NR3C2: variants seen among roughly 807,000 people sequenced by gnomAD.
NR3C2 encodes mineralocorticoid receptor.
NR3C2 carries 15 observed loss-of-function variants against 86.4 expected under a neutral mutation model. That is an observed-to-expected ratio of 0.17 (90% CI 0.12 to 0.27). The LOEUF (loss-of-function observed/expected upper bound fraction) is 0.27, where lower values mean the gene tolerates loss of function less well. NR3C2 is among the 10% of genes least tolerant of loss of function. The pLI, the probability that NR3C2 is intolerant of heterozygous loss-of-function variation, is 1.00. For synonymous variants in NR3C2, 458 were observed against 450.5 expected (o/e 1.02, Z -0.21); for missense variants, 960 against 1,195.6 (o/e 0.80, Z 2.91).
chr4:148,114,453 A>G (rs1167509345), intron 7 of NR3C2, among the ~76,000 whole-genome samples, 192 bp from the exon 8 acceptor site: 1 of 152,238 alleles, frequency 6.6e-6, no homozygotes, highest in African/African-American at 2.4e-5. Context: ...TATTTATCAG[A>G]TGTGTCTTAT....
intron 2 of NR3C2, among the ~76,000 whole-genome samples, chr4:148,412,074 G>GT (rs751550064): frequency 1.1e-4 from 17 of 152,242 alleles, no homozygotes; most frequent in Admixed American, 2.0e-4. Context: ...TCTCAAAAGT[G>GT]TAAGTTTCCT....
chr4:148,235,545 T>G (rs1398909853), intron 3 of NR3C2, among the ~76,000 whole-genome samples: 1 of 152,174 alleles, frequency 6.6e-6, no homozygotes, highest in East Asian at 1.9e-4. Flanking sequence ...GTTTAAAATA[T>G]AACACAACCA....
At chr4:148,426,209 A>AGGTTC (rs1266294294) in intron 2 of NR3C2, among the ~76,000 whole-genome samples, 1 of 152,168 alleles carries the variant, frequency 6.6e-6, no homozygotes, top group Admixed American at 6.5e-5. Flanking sequence ...CCCATGCCCC[A>AGGTTC]GGTTCTCCTC....
At chr4:148,398,132 T>C (rs1579250956) in intron 2 of NR3C2, among the ~76,000 whole-genome samples, 1 of 152,332 alleles carries the variant, frequency 6.6e-6, no homozygotes, top group East Asian at 1.9e-4. Flanking sequence ...TTAGAGCCCA[T>C]TCTAAATTCA....
intron 2 of NR3C2, among the ~76,000 whole-genome samples, chr4:148,394,719 G>A (rs986197211): frequency 5.3e-5 from 8 of 152,108 alleles, no homozygotes; most frequent in Non-Finnish European, 8.8e-5. Flanking sequence ...TGTAGCATCA[G>A]TTTTGGAACT....
At chr4:148,407,213 C>T (rs1204430003) in intron 2 of NR3C2, among the ~76,000 whole-genome samples, 1 of 152,112 alleles carries the variant, frequency 6.6e-6, no homozygotes, top group Non-Finnish European at 1.5e-5. Context: ...AATTTCAATC[C>T]AGTCACTACA....
At chr4:148,140,428 A>G (rs1733553874) in intron 6 of NR3C2, among the ~76,000 whole-genome samples, 4 of 152,096 alleles carry the variant, frequency 2.6e-5, no homozygotes, top group Admixed American at 1.3e-4. Flanking sequence ...CAGCTACTTG[A>G]GAGGTTGAGG....
chr4:148,167,578 G>T (rs1734934875), intron 4 of NR3C2, among the ~76,000 whole-genome samples: 1 of 152,144 alleles, frequency 6.6e-6, no homozygotes, highest in Non-Finnish European at 1.5e-5. Flanking sequence ...CAACTCGTTT[G>T]TTCAGTTTCT....
rs1046412855 is a variant in NR3C2 at position 148,436,727 on chromosome 4, A to G, written c.134T>C (p.Ile45Thr). 6.2e-7 allele frequency: 1 copy of G among 1,613,938 alleles called. No homozygotes were observed. The highest frequency in any genetic ancestry group is 1.3e-5 in the African/African-American group (1 of 74,876). Residue 45 changes from isoleucine (I) to threonine (T), a missense_variant, in exon 2 of 9, where the codon ATT becomes ACT. Transcript: ENST00000358102. ...ACCGGAAACACAGCTTACGTTGACAATCTCCATGTAGTTATTCTCATCGGT... is the reference window on the plus strand; with the variant it reads ...ACCGGAAACACAGCTTACGTTGACAGTCTCCATGTAGTTATTCTCATCGGT... ...ERTDENNYME[I>T]VNVSCVSGAI...
At chr4:148,285,444 C>T (rs1304671610) in intron 2 of NR3C2, among the ~76,000 whole-genome samples, 2 of 152,184 alleles carry the variant, frequency 1.3e-5, no homozygotes, top group African/African-American at 2.4e-5. Context: ...CGTGGTGGCT[C>T]TTGCCTGTAA....
At chr4:148,249,969 G>A (rs964645090) in intron 3 of NR3C2, among the ~76,000 whole-genome samples, 2 of 152,188 alleles carry the variant, frequency 1.3e-5, no homozygotes, top group African/African-American at 4.8e-5. Flanking sequence ...GACAATGTGA[G>A]CATGTGCAAA....
intron 8 of NR3C2, among the ~76,000 whole-genome samples, chr4:148,082,415 TGAGC>T (rs1392104196): frequency 6.6e-6 from 1 of 151,898 alleles, no homozygotes; most frequent in Non-Finnish European, 1.5e-5. Context: ...CCACAGAGGG[TGAGC>T]TGAAGCAGGG....
At chr4:148,415,393 C>T (rs1387961046) in intron 2 of NR3C2, among the ~76,000 whole-genome samples, 1 of 152,118 alleles carries the variant, frequency 6.6e-6, no homozygotes, top group East Asian at 1.9e-4. Context: ...TTGCTCTATT[C>T]GCTTAGGAAA....
chr4:148,347,332 C>T (rs368463555), intron 2 of NR3C2, among the ~76,000 whole-genome samples: 1 of 151,832 alleles, frequency 6.6e-6, no homozygotes, highest in Non-Finnish European at 1.5e-5. Flanking sequence ...AGAAATGTTC[C>T]TCCAGTATTA....
intron 8 of NR3C2, among the ~76,000 whole-genome samples, chr4:148,096,629 T>A (rs1731287954): frequency 2.0e-5 from 3 of 152,232 alleles, no homozygotes; most frequent in Admixed American, 2.0e-4. Context: ...CAGTTGCAGG[T>A]CAAATCTGGC....
At chr4:148,162,902 A>G (rs1167416042) in intron 4 of NR3C2, among the ~76,000 whole-genome samples, 3 of 152,206 alleles carry the variant, frequency 2.0e-5, no homozygotes, top group African/African-American at 7.2e-5. Flanking sequence ...CTCTACCCAC[A>G]TGTTTTACCC....
intron 2 of NR3C2, among the ~76,000 whole-genome samples, chr4:148,339,106 C>T (rs149395630): frequency 2.0e-5 from 3 of 152,262 alleles, no homozygotes; most frequent in African/African-American, 7.2e-5. Context: ...CAGGATTCCA[C>T]CAAGTTTTAC....
chr4:148,233,618 C>T (rs771978138), intron 3 of NR3C2, among the ~76,000 whole-genome samples: 3 of 152,040 alleles, frequency 2.0e-5, no homozygotes, highest in Non-Finnish European at 2.9e-5. Context: ...CCTCAGCCTC[C>T]CAAAGAGCTC....
intron 8 of NR3C2, among the ~76,000 whole-genome samples, chr4:148,098,045 C>G (rs763412291): frequency 6.6e-6 from 1 of 152,044 alleles, no homozygotes; most frequent in Non-Finnish European, 1.5e-5. Context: ...CCTTAAAAAC[C>G]CCTGCCCCAA....
Sources: gnomAD v4.1 joint callset for allele counts (sites outside exome capture counted in the v4.1 genomes callset) on GRCh38, gnomAD v4.1.1 for gene constraint, MANE v1.5 for transcripts, NCBI Gene and HGNC (gene_info 2026-07-23, HGNC 2026-07-21) for gene names.